Variants in PDE4D observed in about 807,000 individuals in gnomAD.
The protein encoded by PDE4D is phosphodiesterase 4D.
In PDE4D, 24 loss-of-function variants were observed where a neutral mutation model predicts 87.4. That is an observed-to-expected ratio of 0.27 (90% CI 0.20 to 0.39). The LOEUF is 0.39. PDE4D is among the 10% of genes least tolerant of loss of function. PDE4D has a pLI of 1.00. For missense variants in PDE4D, 714 were observed against 1,041.0 expected, an observed-to-expected ratio of 0.69 and a Z score of 4.32; for synonymous variants, 384 against 383.2, an observed-to-expected ratio of 1.00 and a Z score of -0.02.
chr5:60,226,927 C>T (rs1745183188), intron 1 of PDE4D, among the ~76,000 whole-genome samples: 1 of 151,988 alleles, frequency 6.6e-6, no homozygotes, highest in Admixed American at 6.6e-5. Flanking sequence ...TTGATTAATT[C>T]TAACCTCGCC....
chr5:59,528,164 G>A (rs531667207), intron 1 of PDE4D, among the ~76,000 whole-genome samples: 2 of 152,308 alleles, frequency 1.3e-5, no homozygotes, highest in African/African-American at 4.8e-5. Flanking sequence ...GCATACATGT[G>A]TGCCAGGAAA....
chr5:60,065,643 T>C (rs1320059735), intron 2 of PDE4D, among the ~76,000 whole-genome samples: 1 of 151,994 alleles, frequency 6.6e-6, no homozygotes, highest in East Asian at 1.9e-4. Flanking sequence ...TGTGTCCATG[T>C]GTTCTCATTG....
intron 2 of PDE4D, among the ~76,000 whole-genome samples, chr5:60,100,592 G>T (rs1291407484): frequency 6.6e-6 from 1 of 151,912 alleles, no homozygotes; most frequent in Non-Finnish European, 1.5e-5. Context: ...GATACCACTT[G>T]GGAAACAAAA....
At chr5:60,192,860 A>G (rs1308653728) in intron 1 of PDE4D, among the ~76,000 whole-genome samples, 1 of 152,236 alleles carries the variant, frequency 6.6e-6, no homozygotes, top group Admixed American at 6.5e-5. Context: ...TTGAGTGAAT[A>G]CAAAAGTTAC....
chr5:59,037,848 C>T (rs1758814363), intron 6 of PDE4D, among the ~76,000 whole-genome samples: 1 of 149,310 alleles, frequency 6.7e-6, no homozygotes. Flanking sequence ...AAAAAAAAAG[C>T]ATCACTCATT....
intron 3 of PDE4D, chr5:59,988,387 C>T (rs1762655850): frequency 1.6e-6 from 1 of 641,426 alleles, no homozygotes; most frequent in Non-Finnish European, 2.6e-6. Flanking sequence ...CCATTGTTCT[C>T]CCACTCAAAT....
intron 1 of PDE4D, among the ~76,000 whole-genome samples, chr5:59,795,502 T>C (rs1766361691): frequency 6.6e-6 from 1 of 152,198 alleles, no homozygotes; most frequent in Admixed American, 6.5e-5. Context: ...ATTACTTCAG[T>C]GAGAAAACCT....
intron 1 of PDE4D, among the ~76,000 whole-genome samples, chr5:60,359,062 G>A (rs1759847293): frequency 6.6e-6 from 1 of 152,160 alleles, no homozygotes; most frequent in African/African-American, 2.4e-5. Context: ...TCCATTCTAA[G>A]TGCTTAAGTA....
At chr5:59,226,154 T>A (rs1030138600) in intron 1 of PDE4D, among the ~76,000 whole-genome samples, 1 of 152,202 alleles carries the variant, frequency 6.6e-6, no homozygotes, top group Non-Finnish European at 1.5e-5. Flanking sequence ...TCTGGGTATT[T>A]ATCCAAAAAA....
intron 1 of PDE4D, among the ~76,000 whole-genome samples, chr5:60,253,074 A>G: frequency 6.6e-6 from 1 of 151,842 alleles, no homozygotes; most frequent in East Asian, 1.9e-4. Context: ...ACAGCACAAA[A>G]AAGACCAAAG....
At chr5:59,373,321 T>A (rs1014767807) in intron 1 of PDE4D, among the ~76,000 whole-genome samples, 4 of 152,200 alleles carry the variant, frequency 2.6e-5, no homozygotes, top group Non-Finnish European at 5.9e-5. Context: ...ACAGCCAGTA[T>A]AGACAAGAAT....
At chr5:59,546,614 T>C (rs1817307878) in intron 1 of PDE4D, among the ~76,000 whole-genome samples, 1 of 152,072 alleles carries the variant, frequency 6.6e-6, no homozygotes, top group South Asian at 2.1e-4. Context: ...GAAAAAAAAT[T>C]CCTAAGAAAG....
intron 1 of PDE4D, among the ~76,000 whole-genome samples, chr5:60,327,471 C>G (rs772880046): frequency 5.3e-5 from 8 of 152,076 alleles, no homozygotes; most frequent in African/African-American, 1.7e-4. Context: ...GCCCTTTTTG[C>G]ATCTGCTGTT....
chr5:59,192,075 C>T (rs1744449238), intron 3 of PDE4D, among the ~76,000 whole-genome samples: 1 of 151,942 alleles, frequency 6.6e-6, no homozygotes, highest in Non-Finnish European at 1.5e-5. Context: ...TTTTAATTGC[C>T]TGCATTAATT....
intron 1 of PDE4D, among the ~76,000 whole-genome samples, chr5:60,507,223 C>T (rs1038308077): frequency 1.3e-5 from 2 of 152,028 alleles, no homozygotes; most frequent in African/African-American, 2.4e-5. Context: ...TACAGGCACC[C>T]GCCACTATGC....
At chr5:60,165,560 TGGTA>T (rs1782818195) in intron 2 of PDE4D, among the ~76,000 whole-genome samples, 1 of 151,816 alleles carries the variant, frequency 6.6e-6, no homozygotes, top group Non-Finnish European at 1.5e-5. Flanking sequence ...ATTAATATTT[TGGTA>T]GGGATTGCAC....
intron 1 of PDE4D, among the ~76,000 whole-genome samples, chr5:59,824,326 G>A (rs969663477): frequency 1.3e-4 from 20 of 152,134 alleles, no homozygotes; most frequent in East Asian, 5.8e-4. Flanking sequence ...AACTGGCCAC[G>A]TTTCAAGTGC....
At position 60,463,173 on chromosome 5, in the gene PDE4D, G is replaced by A. The variant is rs118096788; in HGVS notation, c.-90+24769C>T. ...GATGGCCTTTTCTGGAGCCCAGCCT[G>A]CACTGAGCCTATGCATACAGGATTT... On this transcript the variant is annotated intron_variant, in intron 1 of 16. Coordinates refer to the PDE4D transcript ENST00000502484. 1.9e-4 allele frequency among the ~76,000 whole-genome samples: 29 copies of A among 152,256 alleles called. No homozygotes were observed. In the East Asian group the frequency reaches 5.6e-3, roughly 29 times the overall value.
At position 59,985,123 on chromosome 5, in the gene PDE4D, C is replaced by CTTTTTTT. The variant is rs1561944275; in HGVS notation, c.272+3364_272+3365insAAAAAAA. 6.2e-5 allele frequency among the ~76,000 whole-genome samples: 5 copies of CTTTTTTT among 80,240 alleles called. 1 individual carries two copies. Among genetic ancestry groups the CTTTTTTT allele is most frequent in the South Asian group, 5.4e-4 (1 of 1,854 alleles). 52.6% of individuals were successfully genotyped at this position (80,240 alleles called of 152,430 possible). ...GAATATAAGCCCGAACTTCACCTTT[C>CTTTTTTT]GTTTTTTGTTTTTTGTTTTTTGTTT... On this transcript the variant is annotated intron_variant, in intron 3 of 16. Transcript: ENST00000502484.
Sources: allele counts gnomAD v4.1 joint callset (sites outside exome capture counted in the v4.1 genomes callset), GRCh38; gene constraint gnomAD v4.1.1; transcripts MANE v1.5; gene names NCBI Gene and HGNC (gene_info 2026-07-23, HGNC 2026-07-21).